Variants in FARS2 observed in about 807,000 individuals in gnomAD.
FARS2 encodes phenylalanine--tRNA ligase, mitochondrial.
In FARS2, 40 loss-of-function variants were observed where a neutral mutation model predicts 46.4. The ratio of observed to expected loss-of-function variants is 0.86; its 90% confidence interval spans 0.67 to 1.12. The LOEUF is 1.12. Among genes scored for constraint, FARS2 ranks in the 50% most tolerant of loss-of-function variants. FARS2 has a pLI of 0.00. For missense variants in FARS2, 513 were observed against 567.9 expected, an observed-to-expected ratio of 0.90 and a Z score of 0.98; for synonymous variants, 234 against 214.9, an observed-to-expected ratio of 1.09 and a Z score of -0.78.
At chr6:5,418,146 CA>C (rs1180055830) in intron 3 of FARS2, among the ~76,000 whole-genome samples, 1 of 152,116 alleles carries the variant, frequency 6.6e-6, no homozygotes, top group African/African-American at 2.4e-5. Flanking sequence ...CATATTTTAA[CA>C]CATTTTTTCC....
At chr6:5,513,054 G>A (rs1448443957) in intron 4 of FARS2, among the ~76,000 whole-genome samples, 1 of 152,164 alleles carries the variant, frequency 6.6e-6, no homozygotes, top group Non-Finnish European at 1.5e-5. Context: ...TGGATGGCAG[G>A]CTGGAAAACC....
chr6:5,641,283 G>GTTTATTTTATTTTATTTTATTTTAT (rs546965598), intron 6 of FARS2, among the ~76,000 whole-genome samples: 1 of 151,626 alleles, frequency 6.6e-6, no homozygotes, highest in African/African-American at 2.4e-5. Flanking sequence ...CGTGTCCCCA[G>GTTTATTTTATTTTATTTTATTTTAT]TTTATTTTAT....
At chr6:5,740,544 G>A (rs1761265652) in intron 6 of FARS2, among the ~76,000 whole-genome samples, 3 of 151,654 alleles carry the variant, frequency 2.0e-5, no homozygotes, top group Non-Finnish European at 4.4e-5. Context: ...CTTGGCTTCA[G>A]CACTGCGGAT....
intron 5 of FARS2, among the ~76,000 whole-genome samples, chr6:5,571,248 G>A (rs1772628047): frequency 1.3e-5 from 2 of 152,026 alleles, no homozygotes; most frequent in African/African-American, 4.8e-5. Context: ...TATGCACGAT[G>A]GGCCTACACG....
intron 5 of FARS2, among the ~76,000 whole-genome samples, chr6:5,596,962 A>G (rs1366925612): frequency 6.6e-6 from 1 of 152,196 alleles, no homozygotes; most frequent in African/African-American, 2.4e-5. Flanking sequence ...CCCCCTCGTG[A>G]CACCCTGTGG....
At chr6:5,269,650 T>C (rs1341997585) in intron 1 of FARS2, among the ~76,000 whole-genome samples, 1 of 152,208 alleles carries the variant, frequency 6.6e-6, no homozygotes, top group East Asian at 1.9e-4. Context: ...AGAAAACATT[T>C]AGAATTTGCA....
At chr6:5,747,436 G>A (rs773880276) in intron 6 of FARS2, among the ~76,000 whole-genome samples, 3 of 152,206 alleles carry the variant, frequency 2.0e-5, no homozygotes, top group Non-Finnish European at 4.4e-5. Context: ...GGTGAGAGGT[G>A]CTCAGGTGCA....
At chr6:5,339,525 C>T (rs997046843) in intron 1 of FARS2, among the ~76,000 whole-genome samples, 8 of 151,994 alleles carry the variant, frequency 5.3e-5, no homozygotes, top group Non-Finnish European at 1.0e-4. Flanking sequence ...ACCTCCTGGG[C>T]TCAAGTGATC....
chr6:5,282,413 G>A (rs1421213765), intron 1 of FARS2, among the ~76,000 whole-genome samples: 8 of 152,232 alleles, frequency 5.3e-5, no homozygotes, highest in African/African-American at 1.7e-4. Context: ...ACCAGGGGAA[G>A]CGCCTGAGGT....
chr6:5,643,456 T>C (rs934720553), intron 6 of FARS2, among the ~76,000 whole-genome samples: 1 of 152,194 alleles, frequency 6.6e-6, no homozygotes, highest in East Asian at 1.9e-4. Context: ...AGATACTGAA[T>C]AAGCATGGAG....
chr6:5,548,466 A>G (rs925629195), intron 5 of FARS2, among the ~76,000 whole-genome samples: 2 of 152,206 alleles, frequency 1.3e-5, no homozygotes, highest in African/African-American at 2.4e-5. Context: ...TTTAGCATCA[A>G]TTTCCTTGTA....
rs148502072 is a variant in FARS2, at chr6:5,667,513, G to A, written c.1217+54193G>A. Among the ~76,000 whole-genome samples, 1,229 of 126,276 alleles carry A rather than the reference G, an allele frequency of 9.7e-3. 10 individuals carry two copies. Among genetic ancestry groups the A allele is most frequent in the Middle Eastern group, 0.025 (6 of 242 alleles). The allele number at this position is 126,276 out of a possible 152,430, so 82.8% of individuals were successfully genotyped here. On this transcript the variant is annotated intron_variant, in intron 6 of 6. Transcript: ENST00000274680. ...AGCCTGGGCAACACAGCAAGACACC[G>A]TCTCAAGAAAAAAAAAAAAAGATTA...
At chr6:5,646,787 G>A (rs1351268055) in intron 6 of FARS2, among the ~76,000 whole-genome samples, 1 of 152,050 alleles carries the variant, frequency 6.6e-6, no homozygotes, top group East Asian at 1.9e-4. Flanking sequence ...TATTGTTTAG[G>A]GAATAATGTC....
At chr6:5,737,764 A>AT (rs11434792) in intron 6 of FARS2, among the ~76,000 whole-genome samples, 28,743 of 151,938 alleles carry the variant, frequency 0.19, 2,953 homozygotes, top group African/African-American at 0.25. Flanking sequence ...TTTACCATGT[A>AT]CCCTTCTTCC....
chr6:5,413,452 TG>T (rs1203053017), intron 3 of FARS2, among the ~76,000 whole-genome samples: 1 of 152,078 alleles, frequency 6.6e-6, no homozygotes, highest in Non-Finnish European at 1.5e-5. Context: ...AACTCTCAGG[TG>T]GTTGGTATAC....
chr6:5,427,748 G>A (rs961220638), intron 3 of FARS2, among the ~76,000 whole-genome samples: 3 of 152,062 alleles, frequency 2.0e-5, no homozygotes, highest in South Asian at 2.1e-4. Context: ...AGTTACCCAC[G>A]TTGTTACCAA....
chr6:5,250,345 A>C, the FARS2 span, among the ~76,000 whole-genome samples: 1 of 152,198 alleles, frequency 6.6e-6, no homozygotes, highest in Non-Finnish European at 1.5e-5. Flanking sequence ...ATAACTTTTT[A>C]ACACTTTGCT....
chr6:5,441,438 G>C (rs1396410539), intron 4 of FARS2, among the ~76,000 whole-genome samples: 1 of 151,774 alleles, frequency 6.6e-6, no homozygotes, highest in Non-Finnish European at 1.5e-5. Context: ...ATTTTCATTA[G>C]AGTTTTACTA....
chr6:5,664,523 C>G (rs1778010009), intron 6 of FARS2, among the ~76,000 whole-genome samples: 2 of 152,190 alleles, frequency 1.3e-5, no homozygotes, highest in Non-Finnish European at 1.5e-5. Flanking sequence ...GCTGACTTCC[C>G]TTGGTTTCCT....
Sources: gnomAD v4.1 joint callset for allele counts (sites outside exome capture counted in the v4.1 genomes callset) on GRCh38, gnomAD v4.1.1 for gene constraint, MANE v1.5 for transcripts, NCBI Gene and HGNC (gene_info 2026-07-23, HGNC 2026-07-21) for gene names.